Variants in PLCG2 observed in about 807,000 individuals in gnomAD.
PLCG2 encodes phospholipase C gamma 2, also known as 1-phosphatidylinositol 4,5-bisphosphate phosphodiesterase gamma-2.
In PLCG2, 69 loss-of-function variants were observed where a neutral mutation model predicts 175.6. The observed-to-expected ratio is 0.39, with a 90% CI of 0.32 to 0.48. The LOEUF is 0.48. Among genes scored for constraint, PLCG2 ranks in the 20% least tolerant of loss-of-function variants. The pLI is 0.91. For synonymous variants in PLCG2, 827 were observed against 624.0 expected, an observed-to-expected ratio of 1.33 and a Z score of -4.85; for missense variants, 1,798 against 1,650.9, an observed-to-expected ratio of 1.09 and a Z score of -1.54.
intron 2 of PLCG2, among the ~76,000 whole-genome samples, chr16:81,756,885 C>T (rs1296059600): frequency 6.6e-6 from 1 of 152,162 alleles, no homozygotes; most frequent in African/African-American, 2.4e-5. Context: ...GCCCCACAGC[C>T]TGGGGCACAG....
intron 31 of PLCG2, among the ~76,000 whole-genome samples, chr16:81,946,579 C>T (rs372959612): frequency 3.3e-5 from 5 of 152,128 alleles, no homozygotes; most frequent in Non-Finnish European, 5.9e-5. Context: ...TAGATAGACT[C>T]ATCCTTTCTG....
At chr16:81,816,584 T>G (rs1379605480) in intron 2 of PLCG2, among the ~76,000 whole-genome samples, 1 of 144,716 alleles carries the variant, frequency 6.9e-6, no homozygotes, top group Admixed American at 7.1e-5. Context: ...GCTCAAATGA[T>G]CCTCCTCCCT....
At chr16:81,943,552 C>A (rs775592283) in intron 30 of PLCG2, among the ~76,000 whole-genome samples, 1 of 152,156 alleles carries the variant, frequency 6.6e-6, no homozygotes, top group Non-Finnish European at 1.5e-5. Flanking sequence ...GGACACAGAG[C>A]CAAACCATAA....
intron 14 of PLCG2, among the ~76,000 whole-genome samples, chr16:81,904,877 G>A (rs1909299693): frequency 1.3e-5 from 2 of 151,972 alleles, no homozygotes; most frequent in African/African-American, 4.8e-5. Flanking sequence ...AGGGGAGTGT[G>A]GGCTATTTTT....
chr16:81,916,025 T>A (rs1430216635), intron 19 of PLCG2, among the ~76,000 whole-genome samples: 1 of 152,196 alleles, frequency 6.6e-6, no homozygotes, highest in Non-Finnish European at 1.5e-5. Context: ...TCTGTATCTA[T>A]GGAAAATATA....
chr16:81,917,765 A>G (rs553387600), intron 19 of PLCG2, among the ~76,000 whole-genome samples: 16 of 152,314 alleles, frequency 1.1e-4, no homozygotes, highest in Admixed American at 5.9e-4. Context: ...TCTGTTGCCC[A>G]GGCTGGAGTG....
chr16:81,847,211 A>G (rs915749766), intron 2 of PLCG2, among the ~76,000 whole-genome samples: 1 of 152,210 alleles, frequency 6.6e-6, no homozygotes, highest in African/African-American at 2.4e-5. Context: ...AAAGATAAAG[A>G]TGATCAGCCT....
intron 9 of PLCG2, among the ~76,000 whole-genome samples, chr16:81,888,219 C>CT (rs917479902): frequency 9.2e-5 from 14 of 151,416 alleles, no homozygotes; most frequent in African/African-American, 1.9e-4. Flanking sequence ...AGAGTACTTT[C>CT]TTTTTTTTTG....
intron 9 of PLCG2, among the ~76,000 whole-genome samples, chr16:81,885,641 T>C (rs1241154422): frequency 2.0e-5 from 3 of 152,168 alleles, no homozygotes; most frequent in East Asian, 1.9e-4. Flanking sequence ...TTTTAAAATA[T>C]AGCCATAACA....
intron 15 of PLCG2, among the ~76,000 whole-genome samples, chr16:81,907,056 C>T (rs74825159): frequency 3.7e-5 from 5 of 134,438 alleles, no homozygotes; most frequent in Admixed American, 1.5e-4. Flanking sequence ...AAAAAAAAAA[C>T]AGTGCAGCAC....
In PLCG2 at chr16:81,861,799, C is replaced by G. The variant is rs181993513; in HGVS notation, c.479+2636C>G. ...GGTATGGCCAATCTGGCTCTGAAGT[C>G]GGCTCTTCGTTTGTGAGGTCAAGAA... is the stretch of plus-strand genomic sequence containing the variant. On this transcript the variant is annotated intron_variant, in intron 5 of 32. Coordinates refer to ENST00000564138, the MANE Select transcript of PLCG2 (RefSeq NM_002661.5). 3.0e-4 allele frequency among the ~76,000 whole-genome samples: 46 copies of G among 152,324 alleles called. 1 individual carries two copies. The highest frequency in any genetic ancestry group is 1.1e-3 in the African/African-American group (46 of 41,574).
chr16:81,915,566 T>C (rs997603606), intron 19 of PLCG2, among the ~76,000 whole-genome samples: 3 of 152,230 alleles, frequency 2.0e-5, no homozygotes, highest in Non-Finnish European at 4.4e-5. Context: ...GTGGGTTGAT[T>C]TCATTTATGT....
chr16:81,881,036 C>A, intron 8 of PLCG2, 83 bp downstream of exon 8: 1 of 1,382,106 alleles, frequency 7.2e-7, no homozygotes, highest in Non-Finnish European at 1.0e-6. Flanking sequence ...GGAGGGGATG[C>A]CTGTGTGTGC....
At chr16:81,770,829 C>T (rs1018572722) in intron 2 of PLCG2, among the ~76,000 whole-genome samples, 2 of 152,034 alleles carry the variant, frequency 1.3e-5, no homozygotes, top group African/African-American at 4.8e-5. Flanking sequence ...GGGGCCGAGG[C>T]GGGCGGATCG....
At chr16:81,836,840 CCCA>C (rs1178904017) in intron 2 of PLCG2, among the ~76,000 whole-genome samples, 2 of 152,194 alleles carry the variant, frequency 1.3e-5, no homozygotes, top group African/African-American at 4.8e-5. Context: ...CTTCAGCCTC[CCCA>C]CCTGTGGAAG....
At chr16:81,868,590 G>A (rs1323748450) in intron 5 of PLCG2, among the ~76,000 whole-genome samples, 1 of 152,166 alleles carries the variant, frequency 6.6e-6, no homozygotes, top group Non-Finnish European at 1.5e-5. Context: ...AAAGCATTTG[G>A]CTACATGAAG....
chr16:81,765,281 C>G (rs903353206), intron 2 of PLCG2, among the ~76,000 whole-genome samples: 1 of 152,244 alleles, frequency 6.6e-6, no homozygotes, highest in Non-Finnish European at 1.5e-5. Flanking sequence ...TTCCCAGCAA[C>G]CACCCAAAGC....
intron 7 of PLCG2, among the ~76,000 whole-genome samples, chr16:81,879,645 G>A (rs59725126): frequency 0.27 from 40,535 of 152,054 alleles, 5,461 homozygotes; most frequent in Non-Finnish European, 0.28. Flanking sequence ...CGTTAGCATT[G>A]ATCATGTGAT....
At chr16:81,823,322 A>G (rs1904888086) in intron 2 of PLCG2, among the ~76,000 whole-genome samples, 2 of 152,094 alleles carry the variant, frequency 1.3e-5, no homozygotes. Context: ...TCCTCTCTCG[A>G]CAGAAACGCA....
Sources: allele counts gnomAD v4.1 joint callset (sites outside exome capture counted in the v4.1 genomes callset), GRCh38; gene constraint gnomAD v4.1.1; transcripts MANE v1.5; gene names NCBI Gene and HGNC (gene_info 2026-07-23, HGNC 2026-07-21).